The following KIFBP variants were observed in gnomAD, a reference collection of about 807,000 sequenced individuals.
KIFBP encodes kinesin family binding protein.
KIFBP carries 46 observed loss-of-function variants against 58.9 expected under a neutral mutation model. The ratio of observed to expected loss-of-function variants is 0.78; its 90% CI spans 0.62 to 1.00. The LOEUF (loss-of-function observed/expected upper bound fraction) is 1.00. KIFBP is among the 50% of genes least tolerant of loss of function. The pLI, the probability that KIFBP is intolerant of heterozygous loss-of-function variation, is 0.00. For synonymous variants in KIFBP, 241 were observed against 283.4 expected (o/e 0.85, Z 1.50); for missense variants, 651 against 752.9 (o/e 0.86, Z 1.58).
In KIFBP at chr10:68,988,829, C is replaced by A. The variant is rs777510043; in HGVS notation, c.-4C>A. ...TTGAGGAAAGCCAGGCAGTAGAGGC[C>A]GCTATGGCGAACGTTCCGTGGGCAG... On this transcript the variant is annotated 5_prime_UTR_variant, in exon 1 of 7. Transcript: ENST00000361983. The A allele has an allele frequency of 1.2e-6, 2 of 1,614,262 alleles. No homozygotes were observed. Among genetic ancestry groups the A allele is most frequent in the Non-Finnish European group, 1.7e-6 (2 of 1,180,048 alleles).
chr10:69,007,735 C>G (rs1326415299), intron 4 of KIFBP: 1 of 152,164 alleles, frequency 6.6e-6, no homozygotes, highest in Non-Finnish European at 1.5e-5. Flanking sequence ...TATAGCCAAC[C>G]ATTTAAAGCC....
intron 1 of KIFBP, among the ~76,000 whole-genome samples, chr10:68,995,541 A>G (rs984577920): frequency 1.3e-5 from 2 of 152,162 alleles, no homozygotes; most frequent in African/African-American, 2.4e-5. Context: ...AACTGAATTC[A>G]CTAAATTTTT....
chr10:69,000,971 C>T (rs1003289741), intron 2 of KIFBP, among the ~76,000 whole-genome samples: 5 of 152,170 alleles, frequency 3.3e-5, no homozygotes, highest in Admixed American at 6.5e-5. Flanking sequence ...GCAGACTGGG[C>T]ATCCAGGCTC....
At chr10:69,007,300 G>A (rs892401855) in intron 4 of KIFBP, among the ~76,000 whole-genome samples, 7 of 151,960 alleles carry the variant, frequency 4.6e-5, no homozygotes, top group African/African-American at 9.7e-5. Context: ...CAACTAAGTC[G>A]TATTGCAAAA....
At chr10:69,008,391 A>AAATATATATATATATATAT in intron 4 of KIFBP, among the ~76,000 whole-genome samples, 5 of 71,582 alleles carry the variant, frequency 7.0e-5, no homozygotes, top group African/African-American at 3.9e-4. Flanking sequence ...AAAAAAAAAA[A>AAATATATATATATATATAT]ATATATATAT....
In KIFBP at chr10:68,988,997, G is replaced by A. The variant is rs748523024; in HGVS notation, c.165G>A (p.Glu55=). Residue 55 remains glutamate, a synonymous_variant, in exon 1 of 7, where the codon GAG becomes GAA. Transcript: ENST00000361983. ...AGGCGCTGCTCGGCCCTGCGCCTGAGGACGAGGATGAGCGGCCTGAGGCCG... is the reference window on the plus strand; with the variant it reads ...AGGCGCTGCTCGGCCCTGCGCCTGAAGACGAGGATGAGCGGCCTGAGGCCG... ...EVKALLGPAP[E]DEDERPEAED... The A allele has an allele frequency of 6.2e-7, 1 of 1,614,228 alleles. No individual in the cohort carries two copies. The highest frequency in any genetic ancestry group is 2.2e-5 in the East Asian group (1 of 44,880).
Position 69,008,905 on chromosome 10 carries a change from A to C in KIFBP, c.854A>C (p.Lys285Thr). The C allele has an allele frequency of 6.2e-7, 1 of 1,613,424 alleles. No homozygotes were observed. The change falls in exon 5 of 7, where the codon AAG becomes ACG. Residue 285 changes from lysine to threonine, a missense_variant. Lys to Thr is a moderately conservative substitution (Grantham distance 78, BLOSUM62 -1). Coordinates refer to ENST00000361983, the MANE Select transcript of KIFBP (RefSeq NM_015634.4). ...AANVIFGQTG[K>T]ISATEDTPEA... is the part of the protein sequence containing the mutation. ...AATGTCATTTTTGGTCAAACTGGAA[A>C]GATCTCAGCCACAGAAGACAGTAAG... is the stretch of plus-strand genomic sequence containing the variant.
At position 69,008,399 on chromosome 10, in the gene KIFBP, T is replaced by A. The variant is rs1170837156; in HGVS notation, c.790-442T>A. ...TCGTAAAAAAAAAAAAAAATATATA[T>A]ATATATATATATATATATATTCAGT... On this transcript the variant is annotated intron_variant, in intron 4 of 6. Coordinates refer to ENST00000361983, the MANE Select transcript of KIFBP (RefSeq NM_015634.4). Among the ~76,000 whole-genome samples the A allele has an allele frequency of 1.6e-3, 196 of 120,748 alleles. 1 individual carries two copies. Among genetic ancestry groups the A allele is most frequent in the African/African-American group, 5.5e-3 (141 of 25,858 alleles). The allele number at this position is 120,748 out of a possible 152,430, so 79.2% of individuals were successfully genotyped here. A position where few individuals can be genotyped will look rare whatever the true frequency, so the allele number is the denominator to read the frequency against.
At chr10:68,990,571 A>G (rs1277485172) in intron 1 of KIFBP, among the ~76,000 whole-genome samples, 1 of 152,202 alleles carries the variant, frequency 6.6e-6, no homozygotes, top group Non-Finnish European at 1.5e-5. Context: ...TCAATATTCT[A>G]AAGTAATATT....
intron 1 of KIFBP, among the ~76,000 whole-genome samples, chr10:68,994,760 A>G (rs1021788111): frequency 8.5e-5 from 13 of 152,052 alleles, no homozygotes; most frequent in African/African-American, 3.1e-4. Flanking sequence ...TGACATATAT[A>G]TTTATACCTG....
In KIFBP at chr10:69,012,176, G is replaced by T. The variant is rs376780574; in HGVS notation, c.990+1161G>T. Among the ~76,000 whole-genome samples the T allele has an allele frequency of 2.0e-5, 3 of 152,138 alleles. No homozygotes were observed. The East Asian group carries it at 5.8e-4, about 29-fold the overall frequency. Reference sequence around the variant, plus strand: ...GGTAGGTATGAACTCCAGCTCTGCCGCTTCGTAGCTATGTCTTTGTGGCAA... The same window carrying T: ...GGTAGGTATGAACTCCAGCTCTGCCTCTTCGTAGCTATGTCTTTGTGGCAA... On this transcript the variant is annotated intron_variant, in intron 6 of 6. Coordinates refer to ENST00000361983, the MANE Select transcript of KIFBP (RefSeq NM_015634.4).
intron 2 of KIFBP, among the ~76,000 whole-genome samples, chr10:69,002,280 C>T (rs573079473): frequency 2.0e-5 from 3 of 152,052 alleles, no homozygotes; most frequent in East Asian, 3.9e-4. Flanking sequence ...CTGCCTCAGC[C>T]TCCCAAGTGG....
chr10:69,015,695 G>A lies in KIFBP; in HGVS notation c.1145G>A (p.Ser382Asn). 1 of 1,614,216 alleles carries A rather than the reference G, an allele frequency of 6.2e-7. No homozygotes were observed. The highest frequency in any genetic ancestry group is 8.5e-7 in the Non-Finnish European group (1 of 1,180,044). The stretch of plus-strand genomic sequence containing the variant: ...ATCTCTGCAGTAGAAGAGAAAGTGA[G>A]CTACTTGAGACCTTTAGATTTTGAA... The part of the protein sequence containing the change: ...DAISAVEEKV[S>N]YLRPLDFEEA... Residue 382 changes from serine to asparagine, a missense_variant, in exon 7 of 7, where the codon AGC (serine) becomes AAC (asparagine). Transcript: ENST00000361983.
intron 4 of KIFBP, among the ~76,000 whole-genome samples, chr10:69,007,436 A>G (rs1245500874): frequency 6.6e-6 from 1 of 152,172 alleles, no homozygotes; most frequent in Non-Finnish European, 1.5e-5. Context: ...AAAGTCCCAC[A>G]TTTACCAGCC....
In KIFBP at chr10:69,005,732, AT is replaced by A; in HGVS notation, c.609del (p.Phe203LeufsTer12). 6.2e-7 allele frequency: 1 copy of A among 1,600,666 alleles called. No homozygotes were observed. Among genetic ancestry groups the A allele is most frequent in the Non-Finnish European group, 8.6e-7 (1 of 1,168,378 alleles). On this transcript the variant is annotated frameshift_variant and splice_region_variant, in exon 4 of 7. Transcript: ENST00000361983. LOFTEE classifies it high-confidence loss of function. ...KLTEQERSKR[F>X]EKVYTHNLYY... ...ATATTGGTTTATTTTTTCTTTACAG[AT>A]TTGAAAAGGTTTATACTCATAACCT... is the stretch of plus-strand genomic sequence containing the variant.
chr10:69,002,772 C>T (rs1261032628), intron 2 of KIFBP, among the ~76,000 whole-genome samples: 1 of 151,774 alleles, frequency 6.6e-6, no homozygotes, highest in Non-Finnish European at 1.5e-5. Flanking sequence ...CTTGTGGTCC[C>T]AGCTACTTCG....
At chr10:69,011,060 T>C (rs775273309) in intron 6 of KIFBP, 45 bp downstream of exon 6, 4 of 1,362,512 alleles carry the variant, frequency 2.9e-6, no homozygotes, top group Middle Eastern at 1.8e-4. Flanking sequence ...AATGAGGAAA[T>C]TGTAAGTAAA....
intron 4 of KIFBP, among the ~76,000 whole-genome samples, chr10:69,006,681 C>A (rs919813684): frequency 1.3e-5 from 2 of 152,116 alleles, no homozygotes; most frequent in Non-Finnish European, 2.9e-5. Flanking sequence ...ATTTCGAATT[C>A]GCAAGCCTCT....
At chr10:68,991,793 G>C (rs1429507635) in intron 1 of KIFBP, 1 of 153,188 alleles carries the variant, frequency 6.5e-6, no homozygotes, top group Non-Finnish European at 1.5e-5. Context: ...GACAGAGAAT[G>C]AGTTGATTTT....
Sources: gnomAD v4.1 joint callset for allele counts (sites outside exome capture counted in the v4.1 genomes callset) on GRCh38, gnomAD v4.1.1 for gene constraint, MANE v1.5 for transcripts, NCBI Gene and HGNC (gene_info 2026-07-23, HGNC 2026-07-21) for gene names.